Variants in PIAS4 observed in about 807,000 individuals in gnomAD.
The protein encoded by PIAS4 is E3 SUMO-protein ligase PIAS4.
Under a neutral mutation model 58.0 loss-of-function variants are expected in PIAS4, and 7 were observed. The ratio of observed to expected loss-of-function variants is 0.12; its 90% CI spans 0.07 to 0.23. The LOEUF is 0.23. Among genes scored for constraint, PIAS4 ranks in the 10% least tolerant of loss-of-function variants. PIAS4 has a pLI of 1.00. For synonymous variants in PIAS4, 364 were observed against 312.4 expected, an observed-to-expected ratio of 1.17 and a Z score of -1.74; for missense variants, 550 against 709.5, an observed-to-expected ratio of 0.78 and a Z score of 2.55.
At chr19:4,016,042 C>G (rs1422942107) in intron 2 of PIAS4, among the ~76,000 whole-genome samples, 1 of 152,222 alleles carries the variant, frequency 6.6e-6, no homozygotes, top group African/African-American at 2.4e-5. Flanking sequence ...AGCGGCCTGC[C>G]TTCCCTCCTC....
rs2040177922 is a variant in PIAS4 at position 4,027,508 on chromosome 19, T to TTTCC, written c.540-636_540-633dup. 4.6e-5 allele frequency among the ~76,000 whole-genome samples: 7 copies of TTTCC among 152,264 alleles called. No homozygotes were observed. In the South Asian group the frequency reaches 1.5e-3, roughly 32 times the overall value. On this transcript the variant is annotated intron_variant, in intron 3 of 10. Coordinates refer to ENST00000262971, the MANE Select transcript of PIAS4 (RefSeq NM_015897.4). ...GATGCGTCTTTGGGTAGATAGACTTTTTCCTCTTCTTCTGGGGGCGTTTCT... is the reference window on the plus strand; with the variant it reads ...GATGCGTCTTTGGGTAGATAGACTTTTTCCTTCCTCTTCTTCTGGGGGCGTTTCT...
At chr19:4,032,415 A>G (rs1469806005) in intron 7 of PIAS4, among the ~76,000 whole-genome samples, 2 of 152,130 alleles carry the variant, frequency 1.3e-5, no homozygotes, top group African/African-American at 4.8e-5. Flanking sequence ...TTACCCTGGG[A>G]TGGAGCCACA....
At chr19:4,028,664 C>A in intron 5 of PIAS4, 56 bp from the exon 6 acceptor site, 1 of 1,603,836 alleles carries the variant, frequency 6.2e-7, no homozygotes, top group Non-Finnish European at 8.5e-7. Flanking sequence ...AGGGTGGGGG[C>A]CGTCGGATTT....
chr19:4,022,145 T>C lies in PIAS4; in HGVS notation c.455-1891T>C, dbSNP rs1239639183. ...TTCCTGTATCTTTTGGTACCCGTTT[T>C]GGTAATTTGCATCTTTGGGAGGATT... On this transcript the variant is annotated intron_variant, in intron 2 of 10. Coordinates refer to ENST00000262971, the MANE Select transcript of PIAS4 (RefSeq NM_015897.4). Among the ~76,000 whole-genome samples, 4 of 152,370 alleles carry C rather than the reference T, an allele frequency of 2.6e-5. No homozygotes were observed. In the East Asian group the frequency reaches 7.7e-4, roughly 29 times the overall value.
At chr19:4,027,374 C>T (rs1405944755) in intron 3 of PIAS4, among the ~76,000 whole-genome samples, 1 of 152,166 alleles carries the variant, frequency 6.6e-6, no homozygotes. Flanking sequence ...TGGCTCCTTT[C>T]CATGGCTGGG....
chr19:4,008,711 C>T (rs139299369), intron 1 of PIAS4, among the ~76,000 whole-genome samples: 2 of 152,274 alleles, frequency 1.3e-5, no homozygotes, highest in East Asian at 3.9e-4. Flanking sequence ...CAGATACTGT[C>T]CTCAAACCTT....
intron 9 of PIAS4, among the ~76,000 whole-genome samples, chr19:4,036,088 C>T (rs1461715715): frequency 7.3e-6 from 1 of 136,558 alleles, no homozygotes; most frequent in Admixed American, 7.3e-5. Flanking sequence ...TCCGTACAGT[C>T]CACACCGTCA....
In PIAS4 at chr19:4,037,851, G is replaced by T. The variant is rs1000048417; in HGVS notation, c.1509G>T (p.Gln503His). The T allele has an allele frequency of 1.3e-6, 2 of 1,566,888 alleles. No homozygotes were observed. The highest frequency in any genetic ancestry group is 1.3e-5 in the African/African-American group (1 of 74,164). The change falls in exon 11 of 11, where the codon CAG (glutamine) becomes CAT (histidine). Residue 503 changes from glutamine (Q) to histidine (H), a missense_variant. By Grantham distance (24) the Gln-to-His change is conservative. Coordinates refer to ENST00000262971, the MANE Select transcript of PIAS4 (RefSeq NM_015897.4). The surrounding 1 kb of genome is among the most constrained non-coding windows in gnomAD (Gnocchi z 5.8). ...GPRPKRRCPF[Q>H]KGLVPAC The stretch of plus-strand genomic sequence containing the variant: ...GGCCCAAGCGCCGCTGCCCCTTCCA[G>T]AAGGGCCTGGTGCCGGCCTGCTGAC...
In PIAS4 at chr19:4,036,331, C is replaced by T. The variant is rs1160289352; in HGVS notation, c.1143-1043C>T. ...ACAGTCCACACCTGTTACATGCACA[C>T]ATCTATACAGTCCACACCGTCACAC... On this transcript the variant is annotated intron_variant, in intron 9 of 10. Transcript: ENST00000262971. Among the ~76,000 whole-genome samples the T allele has an allele frequency of 8.1e-5, 8 of 98,562 alleles. 1 individual carries two copies. The highest frequency in any genetic ancestry group is 5.6e-4 in the Admixed American group (5 of 8,980). The allele number at this position is 98,562 out of a possible 152,430, so 64.7% of individuals were successfully genotyped here. A position where few individuals can be genotyped will look rare whatever the true frequency, so the allele number is the denominator to read the frequency against.
chr19:4,037,334 G>GGC lies in PIAS4; in HGVS notation c.1143-40_1143-39insGC. ...AGGGCTGGGGAGTTGGGGGGGTGGG[G>GGC]CACCTCCAGCCCCGGCGTCAGCTGT... On this transcript the variant is annotated intron_variant, in intron 9 of 10. Transcript: ENST00000262971. The surrounding 1 kb of genome is among the most constrained non-coding windows in gnomAD (Gnocchi z 5.8). 2 of 1,511,210 alleles carry GGC rather than the reference G, an allele frequency of 1.3e-6. No individual in the cohort carries two copies. The highest frequency in any genetic ancestry group is 1.4e-5 in the African/African-American group (1 of 72,276). The allele number at this position is 1,511,210 out of a possible 1,614,324, so 93.6% of individuals were successfully genotyped here.
chr19:4,033,920 C>T (rs555260892), intron 9 of PIAS4, among the ~76,000 whole-genome samples: 14 of 152,252 alleles, frequency 9.2e-5, no homozygotes, highest in South Asian at 2.1e-4. Flanking sequence ...TTTCACACGG[C>T]GTTCACCCCA....
chr19:4,034,593 C>T (rs891147898), intron 9 of PIAS4, among the ~76,000 whole-genome samples: 2 of 152,222 alleles, frequency 1.3e-5, no homozygotes, highest in South Asian at 2.1e-4. Flanking sequence ...AGAGAGGAGT[C>T]CTTTGGGCCG....
At chr19:4,036,118 ATACAGTCCACACCGTCACACATCCG>A (rs1174544761) in intron 9 of PIAS4, among the ~76,000 whole-genome samples, 1 of 126,464 alleles carries the variant, frequency 7.9e-6, no homozygotes, top group Admixed American at 8.1e-5. Context: ...ACACACATCT[ATACAGTCCACACCGTCACACATCCG>A]TACAGTCCAC....
intron 1 of PIAS4, 64 bp from the exon 2 acceptor site, chr19:4,012,859 C>T: frequency 5.9e-6 from 9 of 1,515,600 alleles, no homozygotes; most frequent in Non-Finnish European, 7.1e-6. Flanking sequence ...GGGGCCTGGC[C>T]TCCATGGAGT....
intron 7 of PIAS4, among the ~76,000 whole-genome samples, chr19:4,032,084 G>A (rs2040227815): frequency 6.6e-6 from 1 of 152,150 alleles, no homozygotes; most frequent in South Asian, 2.1e-4. Context: ...CCCGGCTGGG[G>A]GTCTGGGTGG....
In PIAS4 at chr19:4,013,846, G is replaced by A. The variant is rs989031166; in HGVS notation, c.454+497G>A. Among the ~76,000 whole-genome samples the A allele has an allele frequency of 6.6e-6, 1 of 152,146 alleles. No individual in the cohort carries two copies. Among genetic ancestry groups the A allele is most frequent in the Non-Finnish European group, 1.5e-5 (1 of 68,016 alleles). On this transcript the variant is annotated intron_variant, in intron 2 of 10. Transcript: ENST00000262971. The surrounding 1 kb of genome is among the most constrained non-coding windows in gnomAD (Gnocchi z 5.1). ...TCCCTCACCCTAGGGTAGCGAGTGT[G>A]CACCTCCAAGCTGGGAGCTGGAGCC...
rs748181758 is a variant in PIAS4 at position 4,028,565 on chromosome 19, G to T, written c.637G>T (p.Ala213Ser). 6.2e-7 allele frequency: 1 copy of T among 1,613,004 alleles called. No individual in the cohort carries two copies. Among genetic ancestry groups the T allele is most frequent in the Non-Finnish European group, 8.5e-7 (1 of 1,179,906 alleles). ...PQEDQYPPNI[A>S]VKVNHSYCSV... ...GGAGGACCAGTACCCGCCCAACATC[G>T]CTGTGAAGGTCAACCACAGCTACTG... Residue 213 changes from alanine to serine, a missense_variant, in exon 5 of 11, where the codon GCT becomes TCT. By Grantham distance (99) the Ala-to-Ser change is moderately conservative. Transcript: ENST00000262971.
intron 2 of PIAS4, among the ~76,000 whole-genome samples, chr19:4,018,219 C>T (rs1205469292): frequency 1.3e-5 from 2 of 152,242 alleles, no homozygotes; most frequent in Non-Finnish European, 2.9e-5. Context: ...CCGGCCGGCG[C>T]CCTGCTGCCC....
intron 1 of PIAS4, 139 bp from the exon 2 acceptor site, chr19:4,012,784 C>T: frequency 1.1e-6 from 1 of 931,692 alleles, no homozygotes; most frequent in Admixed American, 2.4e-5. Context: ...GGGCAGGGCA[C>T]TCCACCAGCC....
Sources: gnomAD v4.1 joint callset for allele counts (sites outside exome capture counted in the v4.1 genomes callset) on GRCh38, gnomAD v4.1.1 for gene constraint, Gnocchi (gnomAD v3.1) non-coding constraint, MANE v1.5 for transcripts, NCBI Gene and HGNC (gene_info 2026-07-23, HGNC 2026-07-21) for gene names.